The following SLCO5A1 variants were observed in gnomAD, a reference collection of about 807,000 sequenced individuals.
SLCO5A1 encodes the protein solute carrier organic anion transporter family member 5A1.
SLCO5A1 carries 39 observed loss-of-function variants against 65.1 expected under a neutral mutation model. That is an observed-to-expected ratio of 0.60 (90% CI 0.46 to 0.78). The LOEUF (loss-of-function observed/expected upper bound fraction) is 0.78, where lower values mean the gene tolerates loss of function less well. SLCO5A1 is among the 30% of genes least tolerant of loss of function. The probability of loss-of-function intolerance (pLI) is 0.00; values close to 1 mark genes in which losing one functional copy is unlikely to be tolerated. For missense variants in SLCO5A1, 1,029 were observed against 1,069.4 expected (o/e 0.96, Z 0.53); for synonymous variants, 438 against 415.7 (o/e 1.05, Z -0.65).
At chr8:69,696,517 C>G (rs1045545361) in intron 6 of SLCO5A1, among the ~76,000 whole-genome samples, 2 of 152,180 alleles carry the variant, frequency 1.3e-5, no homozygotes, top group African/African-American at 4.8e-5. Flanking sequence ...TATCCGTTGC[C>G]TCCCATCTCC....
chr8:69,727,273 G>GA, intron 5 of SLCO5A1, among the ~76,000 whole-genome samples: 1 of 152,006 alleles, frequency 6.6e-6, no homozygotes, highest in Non-Finnish European at 1.5e-5. Flanking sequence ...ATGGGTGGAT[G>GA]AAAAAACAGA....
At chr8:69,736,872 C>T (rs1254226971) in intron 5 of SLCO5A1, among the ~76,000 whole-genome samples, 2 of 152,112 alleles carry the variant, frequency 1.3e-5, no homozygotes, top group Non-Finnish European at 2.9e-5. Context: ...TTTTGTTTTC[C>T]CTGTCCAAAA....
intron 5 of SLCO5A1, among the ~76,000 whole-genome samples, chr8:69,715,164 C>G (rs1047834564): frequency 1.8e-4 from 27 of 152,188 alleles, no homozygotes; most frequent in African/African-American, 6.5e-4. Flanking sequence ...ATGCAAAAAT[C>G]ACAGTATTTA....
At chr8:69,678,004 CCAG>C (rs1813618349) in intron 8 of SLCO5A1, among the ~76,000 whole-genome samples, 2 of 152,188 alleles carry the variant, frequency 1.3e-5, no homozygotes, top group Admixed American at 1.3e-4. Context: ...ACCACGCTGC[CCAG>C]TTCCTTTGTC....
chr8:69,780,423 CTGGATAAAGAAAATG>C (rs752487951), intron 2 of SLCO5A1, among the ~76,000 whole-genome samples: 29 of 152,208 alleles, frequency 1.9e-4, no homozygotes, highest in Non-Finnish European at 2.6e-4. Flanking sequence ...CAATGGAGGA[CTGGATAAAGAAAATG>C]TGGTACATAT....
At chr8:69,772,028 C>G (rs1818339704) in intron 2 of SLCO5A1, among the ~76,000 whole-genome samples, 1 of 152,146 alleles carries the variant, frequency 6.6e-6, no homozygotes, top group Non-Finnish European at 1.5e-5. Flanking sequence ...TCTCTGGGAG[C>G]TACTTCACCA....
intron 9 of SLCO5A1, among the ~76,000 whole-genome samples, chr8:69,676,159 T>C (rs796093283): frequency 1.6e-4 from 25 of 152,310 alleles, no homozygotes; most frequent in African/African-American, 5.8e-4. Flanking sequence ...TTTCTTTTTC[T>C]CAGAAAACTT....
intron 2 of SLCO5A1, among the ~76,000 whole-genome samples, chr8:69,813,858 G>T (rs1820307295): frequency 6.6e-6 from 1 of 152,174 alleles, no homozygotes; most frequent in African/African-American, 2.4e-5. Context: ...GAAGTTTATG[G>T]ACTTCTCCCT....
chr8:69,699,531 C>T (rs1814634575), intron 6 of SLCO5A1, among the ~76,000 whole-genome samples: 1 of 150,866 alleles, frequency 6.6e-6, no homozygotes, highest in Non-Finnish European at 1.5e-5. Context: ...GCGAGACCCA[C>T]CAGATGACAA....
intron 2 of SLCO5A1, among the ~76,000 whole-genome samples, chr8:69,823,913 T>A (rs1348602053): frequency 1.3e-5 from 2 of 151,954 alleles, no homozygotes; most frequent in Admixed American, 6.6e-5. Context: ...GATCAGAAAT[T>A]ATAACAAACT....
At chr8:69,673,661 A>T (rs926202216) in intron 9 of SLCO5A1, among the ~76,000 whole-genome samples, 1 of 152,218 alleles carries the variant, frequency 6.6e-6, no homozygotes, top group Admixed American at 6.5e-5. Flanking sequence ...ATTGCTAAAA[A>T]TACAATTAGA....
Position 69,832,228 on chromosome 8 carries a change from A to T in SLCO5A1, c.446T>A (p.Leu149Gln). 6.2e-7 allele frequency: 1 copy of T among 1,614,190 alleles called. No individual in the cohort carries two copies. The highest frequency in any genetic ancestry group is 8.5e-7 in the Non-Finnish European group (1 of 1,180,040). Residue 149 changes from leucine to glutamine, a missense_variant, in exon 2 of 10, where the codon CTG (leucine) becomes CAG (glutamine). Physicochemically the swap from Leu to Gln is moderately radical, Grantham distance 113 (BLOSUM62 -2). Transcript: ENST00000260126. The surrounding 1 kb of genome is among the most constrained non-coding windows in gnomAD (Gnocchi z 4.5). The part of the protein sequence containing the change: ...FIQALMVSGY[L>Q]SSVITTIERR... ...TTCAATGGTGGTAATTACGCTGCTC[A>T]GGTACCCAGAGACCATTAACGCCTG...
intron 2 of SLCO5A1, among the ~76,000 whole-genome samples, chr8:69,808,761 T>A (rs1202074057): frequency 1.3e-5 from 2 of 152,220 alleles, no homozygotes; most frequent in African/African-American, 2.4e-5. Context: ...GAGATTTTAA[T>A]GGATAAATAT....
Position 69,755,495 on chromosome 8 carries a change from T to C in SLCO5A1, c.1187A>G (p.Lys396Arg). The C allele has an allele frequency of 1.9e-6, 3 of 1,614,130 alleles. No individual in the cohort carries two copies. The highest frequency in any genetic ancestry group is 2.2e-5 in the South Asian group (2 of 91,082). The change falls in exon 4 of 10, where the codon AAG (lysine) becomes AGG (arginine). Residue 396 changes from lysine (K) to arginine (R), a missense_variant. Lys to Arg is a conservative substitution (Grantham distance 26). Around this residue, in one of 3 missense-constraint regions of SLCO5A1, gnomAD observed 647 missense variants for 647.5 expected, o/e 1.00. Coordinates refer to ENST00000260126, the MANE Select transcript of SLCO5A1 (RefSeq NM_030958.3). The part of the protein sequence containing the change: ...VDAVSDDDVL[K>R]EKSNNSEQAD... The stretch of plus-strand genomic sequence containing the variant: ...TTGTTCACTGTTGTTTGATTTCTCC[T>C]TCAGAACATCGTCATCACTAACAGC...
At chr8:69,685,599 G>A (rs1193574534) in intron 6 of SLCO5A1, among the ~76,000 whole-genome samples, 1 of 152,166 alleles carries the variant, frequency 6.6e-6, no homozygotes, top group Non-Finnish European at 1.5e-5. Context: ...TAACTGGGTG[G>A]TCCACAATGT....
intron 4 of SLCO5A1, among the ~76,000 whole-genome samples, chr8:69,753,160 T>C (rs919361249): frequency 2.6e-5 from 4 of 152,112 alleles, no homozygotes; most frequent in African/African-American, 7.2e-5. Context: ...AAGTAATTTA[T>C]TGGGGCAACT....
At chr8:69,817,212 A>T (rs557469187) in intron 2 of SLCO5A1, among the ~76,000 whole-genome samples, 1 of 152,256 alleles carries the variant, frequency 6.6e-6, no homozygotes, top group Middle Eastern at 3.4e-3. Flanking sequence ...TGTTTCTATG[A>T]ATTTGACTCT....
At chr8:69,740,237 C>G (rs920955199) in intron 4 of SLCO5A1, among the ~76,000 whole-genome samples, 1 of 152,208 alleles carries the variant, frequency 6.6e-6, no homozygotes, top group African/African-American at 2.4e-5. Context: ...TTTCAGCCTA[C>G]AGCCCTCCAG....
At chr8:69,742,828 T>C (rs1471514828) in intron 4 of SLCO5A1, among the ~76,000 whole-genome samples, 1 of 125,938 alleles carries the variant, frequency 7.9e-6, no homozygotes. Flanking sequence ...TGAGACTGAG[T>C]CTCGCTCTGT....
Sources: allele counts gnomAD v4.1 joint callset (sites outside exome capture counted in the v4.1 genomes callset), GRCh38; gene constraint gnomAD v4.1.1; regional missense constraint gnomAD v4.1.1; non-coding constraint Gnocchi (gnomAD v3.1); transcripts MANE v1.5; gene names NCBI Gene and HGNC (gene_info 2026-07-23, HGNC 2026-07-21).